Variants in RNF10 observed in about 807,000 individuals in gnomAD.
RNF10 encodes the protein E3 ubiquitin-protein ligase RNF10.
Under a neutral mutation model 91.4 loss-of-function variants are expected in RNF10, and 38 were observed. The observed-to-expected ratio is 0.42, with a 90% CI of 0.32 to 0.54. RNF10 has a LOEUF of 0.54. Ranked by LOEUF, RNF10 falls within the 20% of genes least tolerant of loss-of-function variation. The pLI, the probability that RNF10 is intolerant of heterozygous loss-of-function variation, is 0.16. For missense variants in RNF10, 945 were observed against 1,012.0 expected (o/e 0.93, Z 0.90); for synonymous variants, 364 against 366.3 (o/e 0.99, Z 0.07).
chr12:120,541,177 C>T (rs1182187179), intron 1 of RNF10, among the ~76,000 whole-genome samples: 1 of 152,076 alleles, frequency 6.6e-6, no homozygotes, highest in Non-Finnish European at 1.5e-5. Flanking sequence ...CTTAATAAGC[C>T]CTTGCCATGT....
At chr12:120,540,163 A>G (rs1166515429) in intron 1 of RNF10, among the ~76,000 whole-genome samples, 4 of 149,318 alleles carry the variant, frequency 2.7e-5, no homozygotes, top group East Asian at 2.0e-4. Flanking sequence ...GGGTCTCACC[A>G]TGTTGCCCAG....
At chr12:120,553,944 G>A (rs1391376235) in intron 3 of RNF10, 9 of 139,450 alleles carry the variant, frequency 6.5e-5, no homozygotes, top group Admixed American at 2.2e-4. Flanking sequence ...TCCCTCTGTC[G>A]CCCAGGCTGG....
Position 120,565,205 on chromosome 12 carries a change from C to A in RNF10, c.1783+16C>A. The A allele has an allele frequency of 6.6e-7, 1 of 1,510,328 alleles. No individual in the cohort carries two copies. 93.6% of individuals were successfully genotyped at this position (1,510,328 alleles called of 1,614,324 possible). A position where few individuals can be genotyped will look rare whatever the true frequency, so the allele number is the denominator to read the frequency against. On this transcript the variant is annotated intron_variant, in intron 11 of 16. Coordinates refer to ENST00000325954, the MANE Select transcript of RNF10 (RefSeq NM_014868.5). ...ATGTTCTCAGGTGAGAATGCCCCTG[C>A]TCTGCTTCTCTTTATAGTAGGGTTC...
chr12:120,564,424 G>T (rs1487424656), intron 10 of RNF10, among the ~76,000 whole-genome samples: 1 of 152,072 alleles, frequency 6.6e-6, no homozygotes, highest in East Asian at 1.9e-4. Context: ...ATTGCTTGAG[G>T]CTAGGAGTTT....
intron 2 of RNF10, 115 bp downstream of exon 2, chr12:120,546,716 T>G: frequency 1.1e-6 from 1 of 910,774 alleles, no homozygotes; most frequent in Non-Finnish European, 1.6e-6. Flanking sequence ...GAATAGATAA[T>G]CAAAGCAGTC....
rs376837117 is a variant in RNF10, at chr12:120,574,335, C to A, written c.2143-1296C>A. 9.1e-4 allele frequency: 373 copies of A among 409,788 alleles called. 8 individuals carry two copies. The highest frequency in any genetic ancestry group is 6.3e-3 in the South Asian group (356 of 56,652). 25.4% of individuals were successfully genotyped at this position (409,788 alleles called of 1,614,324 possible). Reference sequence around the variant, plus strand: ...GATATTTTTCCAGGAATAAAATGTTCTCTGCCTTTTAAGTGGCATATTTGC... The same window carrying A: ...GATATTTTTCCAGGAATAAAATGTTATCTGCCTTTTAAGTGGCATATTTGC... On this transcript the variant is annotated intron_variant, in intron 14 of 16. Transcript: ENST00000325954.
In RNF10 at chr12:120,576,719, TC is replaced by T. The variant is rs1326633474; in HGVS notation, c.*58del. On this transcript the variant is annotated 3_prime_UTR_variant, in exon 17 of 17. Transcript: ENST00000325954. ...TCTGGTTTTTGTTTTTGTTTTTTTT[TC>T]CCCCATGCTTTTGTTTGGCTGCTGT... is the stretch of plus-strand genomic sequence containing the variant. The T allele has an allele frequency of 2.5e-6, 4 of 1,592,026 alleles. 1 individual carries two copies. In the South Asian group the frequency reaches 4.6e-5, roughly 18 times the overall value.
In RNF10 at chr12:120,575,906, C is replaced by G. The variant is rs749650943; in HGVS notation, c.2315C>G (p.Ala772Gly). Reference sequence around the variant, plus strand: ...TCCTTCAGCCAAGCTATTGAAGCAGCCTTCATGAAACTGGACACACCAGCT... The same window carrying G: ...TCCTTCAGCCAAGCTATTGAAGCAGGCTTCATGAAACTGGACACACCAGCT... ...QNSFSQAIEA[A>G]FMKLDTPATS... The change falls in exon 16 of 17, where the codon GCC (alanine) becomes GGC (glycine). Residue 772 changes from alanine to glycine, a missense_variant. Coordinates refer to ENST00000325954, the MANE Select transcript of RNF10 (RefSeq NM_014868.5). The G allele has an allele frequency of 2.5e-6, 4 of 1,614,114 alleles. No individual in the cohort carries two copies. The highest frequency in any genetic ancestry group is 3.4e-6 in the Non-Finnish European group (4 of 1,180,028).
chr12:120,550,753 T>C (rs2137168817), intron 2 of RNF10, among the ~76,000 whole-genome samples: 1 of 151,490 alleles, frequency 6.6e-6, no homozygotes, highest in East Asian at 2.0e-4. Flanking sequence ...CCCGCCACCA[T>C]GCCCAGCTAA....
intron 2 of RNF10, among the ~76,000 whole-genome samples, chr12:120,547,124 C>T (rs993803987): frequency 2.0e-5 from 3 of 152,034 alleles, no homozygotes; most frequent in African/African-American, 4.8e-5. Context: ...AATTACGTTT[C>T]ATACCATGCA....
chr12:120,566,110 T>C (rs1372848392), intron 12 of RNF10, among the ~76,000 whole-genome samples: 1 of 152,212 alleles, frequency 6.6e-6, no homozygotes, highest in Non-Finnish European at 1.5e-5. Context: ...TTCGGTGTTT[T>C]GACTCCATAT....
At position 120,576,583 on chromosome 12, in the gene RNF10, C is replaced by T. The variant is rs779108278; in HGVS notation, c.2360-7C>T. The T allele has an allele frequency of 9.3e-6, 15 of 1,612,926 alleles. No homozygotes were observed. Among genetic ancestry groups the T allele is most frequent in the African/African-American group, 1.3e-5 (1 of 74,812 alleles). On this transcript the variant is annotated splice_region_variant and splice_polypyrimidine_tract_variant and intron_variant, in intron 16 of 16. Coordinates refer to ENST00000325954, the MANE Select transcript of RNF10 (RefSeq NM_014868.5). ...AAGTTAAGCTGTCTTTCTGTGTCTC[C>T]CTTTAGAAGAGAAAGGAGGAAAGAA...
rs780335704 is a variant in RNF10, at chr12:120,563,065, A to C, written c.1249A>C (p.Arg417=). ...GGCGAAGGAGTCTGTTTTTCAACCC[A>C]GGAAGGTTAGTGTGTTCCTGTTACT... is the stretch of plus-strand genomic sequence containing the variant. The part of the protein sequence containing the change: ...PLAKESVFQP[R]KGVLEYLSAF... Residue 417 remains arginine, a synonymous_variant, in exon 8 of 17, where the codon AGG becomes CGG. Transcript: ENST00000325954. 3.7e-6 allele frequency: 6 copies of C among 1,613,990 alleles called. No individual in the cohort carries two copies. The highest frequency in any genetic ancestry group is 4.2e-6 in the Non-Finnish European group (5 of 1,180,002).
chr12:120,555,501 T>G (rs1217506168), intron 4 of RNF10, among the ~76,000 whole-genome samples: 1 of 148,558 alleles, frequency 6.7e-6, no homozygotes, highest in Non-Finnish European at 1.5e-5. Context: ...TTTTTTTTTT[T>G]TTTGAGACGG....
chr12:120,568,464 A>G (rs1876106873), intron 13 of RNF10, among the ~76,000 whole-genome samples: 1 of 148,616 alleles, frequency 6.7e-6, no homozygotes, highest in African/African-American at 2.4e-5. Flanking sequence ...TGCCTGGCAC[A>G]TGGTTTATTA....
intron 4 of RNF10, among the ~76,000 whole-genome samples, chr12:120,555,663 T>G (rs1032876779): frequency 6.6e-6 from 1 of 151,802 alleles, no homozygotes; most frequent in African/African-American, 2.4e-5. Context: ...AATTTTTTTT[T>G]GTATTTTTTT....
chr12:120,558,581 T>TC (rs1874366831), intron 6 of RNF10, among the ~76,000 whole-genome samples: 3 of 150,556 alleles, frequency 2.0e-5, no homozygotes, highest in Admixed American at 2.0e-4. Flanking sequence ...ATATATATTT[T>TC]TTTTTGAGAC....
In RNF10 at chr12:120,566,959, A is replaced by G; in HGVS notation, c.2020A>G (p.Arg674Gly). Residue 674 changes from arginine (R) to glycine (G), a missense_variant, in exon 13 of 17, where the codon AGA becomes GGA. By Grantham distance (125) the Arg-to-Gly change is moderately radical. Coordinates refer to ENST00000325954, the MANE Select transcript of RNF10 (RefSeq NM_014868.5). ...HGALSISPLS[R>G]SPGSHADFLL... The stretch of plus-strand genomic sequence containing the variant: ...GGCCCTCTCCATTTCTCCTCTCAGC[A>G]GAAGTCCAGGTTCCCATGCAGGTAA... 6.2e-7 allele frequency: 1 copy of G among 1,605,544 alleles called. No homozygotes were observed. The highest frequency in any genetic ancestry group is 8.5e-7 in the Non-Finnish European group (1 of 1,177,974).
chr12:120,553,129 G>A (rs1270567037), intron 3 of RNF10, among the ~76,000 whole-genome samples: 1 of 116,022 alleles, frequency 8.6e-6, no homozygotes, highest in Non-Finnish European at 1.6e-5. Flanking sequence ...TGCCACCCAG[G>A]CTAGAGTGCG....
Sources: gnomAD v4.1 joint callset for allele counts (sites outside exome capture counted in the v4.1 genomes callset) on GRCh38, gnomAD v4.1.1 for gene constraint, MANE v1.5 for transcripts, NCBI Gene and HGNC (gene_info 2026-07-23, HGNC 2026-07-21) for gene names.